MIOS: variants seen among roughly 807,000 people sequenced by gnomAD.
MIOS encodes GATOR2 complex protein MIOS.
In MIOS, 52 loss-of-function variants were observed where a neutral mutation model predicts 96.9. The ratio of observed to expected loss-of-function variants is 0.54; its 90% CI spans 0.43 to 0.68. The LOEUF is 0.68. Among genes scored for constraint, MIOS ranks in the 30% least tolerant of loss-of-function variants. The pLI, the probability that MIOS is intolerant of heterozygous loss-of-function variation, is 0.00. For synonymous variants in MIOS, 397 were observed against 359.5 expected (o/e 1.10, Z -1.18); for missense variants, 1,005 against 1,052.8 (o/e 0.95, Z 0.63).
intron 5 of MIOS, among the ~76,000 whole-genome samples, chr7:7,582,018 G>A (rs557158271): frequency 6.6e-5 from 10 of 151,498 alleles, no homozygotes; most frequent in African/African-American, 2.2e-4. Context: ...TTGGCGGGGC[G>A]GGAGGGCGGG....
In MIOS at chr7:7,605,788, T is replaced by C. The variant is rs563187333; in HGVS notation, c.2402-154T>C. On this transcript the variant is annotated intron_variant, in intron 11 of 12. Transcript: ENST00000340080. ...GTAGGGGAGCTTCTGTCATTCAGTTTCGCTTCATCTAAACTAGAACCTACC... is the reference window on the plus strand; with the variant it reads ...GTAGGGGAGCTTCTGTCATTCAGTTCCGCTTCATCTAAACTAGAACCTACC... The C allele has an allele frequency of 7.9e-4, 502 of 633,974 alleles. No individual in the cohort carries two copies. The African/African-American group carries it at 8.5e-3, about 11-fold the overall frequency. 39.3% of individuals were successfully genotyped at this position (633,974 alleles called of 1,614,324 possible). A position where few individuals can be genotyped will look rare whatever the true frequency, so the allele number is the denominator to read the frequency against.
At chr7:7,589,671 C>A in intron 9 of MIOS, 108 bp downstream of exon 9, 1 of 1,254,898 alleles carries the variant, frequency 8.0e-7, no homozygotes, top group Non-Finnish European at 1.1e-6. Context: ...CTTTAGAAGG[C>A]ATTTAGTTTT....
At chr7:7,574,347 G>A (rs1783457656) in intron 5 of MIOS, 151 bp downstream of exon 5, 1 of 561,618 alleles carries the variant, frequency 1.8e-6, no homozygotes, top group Non-Finnish European at 3.1e-6. Flanking sequence ...TTGTATTGTT[G>A]AGTTAAATGC....
rs570503026 is a variant in MIOS at position 7,573,994 on chromosome 7, C to G, written c.1295-104C>G. On this transcript the variant is annotated intron_variant, in intron 4 of 12. Transcript: ENST00000340080. The surrounding 1 kb of genome is among the most constrained non-coding windows in gnomAD (Gnocchi z 5.0). The stretch of plus-strand genomic sequence containing the variant: ...TATCTCTGCAATAGAGTCGAACCAC[C>G]TTATTTACACTGATACTTATTATGA... The G allele has an allele frequency of 6.4e-5, 63 of 981,764 alleles. No individual in the cohort carries two copies. Among genetic ancestry groups the G allele is most frequent in the Middle Eastern group, 4.6e-4 (2 of 4,344 alleles). 60.8% of individuals were successfully genotyped at this position (981,764 alleles called of 1,614,324 possible).
At chr7:7,581,498 C>T (rs894876120) in intron 5 of MIOS, among the ~76,000 whole-genome samples, 1 of 152,116 alleles carries the variant, frequency 6.6e-6, no homozygotes, top group Non-Finnish European at 1.5e-5. Context: ...TCTGGGCACA[C>T]CTTAGCTGGG....
chr7:7,603,583 A>G (rs1198869181), intron 11 of MIOS, among the ~76,000 whole-genome samples: 48 of 152,250 alleles, frequency 3.2e-4, no homozygotes, highest in South Asian at 6.2e-4. Flanking sequence ...AGAGGATGTG[A>G]AGAAATAGGA....
rs1275517876 is a variant in MIOS at position 7,608,061 on chromosome 7, G to A, written c.*969G>A. ...ACCATACCTTGTTCTTTCCAAGGTAGACTAGGAAGTGTTGGGGAAATGGGG... is the reference window on the plus strand; with the variant it reads ...ACCATACCTTGTTCTTTCCAAGGTAAACTAGGAAGTGTTGGGGAAATGGGG... On this transcript the variant is annotated 3_prime_UTR_variant, in exon 13 of 13. Transcript: ENST00000340080. 6.6e-6 allele frequency: 1 copy of A among 152,094 alleles called. No individual in the cohort carries two copies. The highest frequency in any genetic ancestry group is 1.5e-5 in the Non-Finnish European group (1 of 67,984). The allele number at this position is 152,094 out of a possible 1,614,324, so 9.4% of individuals were successfully genotyped here. A position where few individuals can be genotyped will look rare whatever the true frequency, so the allele number is the denominator to read the frequency against.
intron 6 of MIOS, among the ~76,000 whole-genome samples, chr7:7,585,394 G>T (rs908716941): frequency 1.6e-4 from 22 of 133,334 alleles, no homozygotes; most frequent in African/African-American, 5.7e-4. Context: ...TTTCCAGTCT[G>T]AATCAAAACC....
intron 11 of MIOS, among the ~76,000 whole-genome samples, chr7:7,599,649 A>G (rs1225859886): frequency 6.6e-6 from 1 of 152,158 alleles, no homozygotes; most frequent in African/African-American, 2.4e-5. Flanking sequence ...GGGAAGAGCA[A>G]GTGTATTGTT....
At chr7:7,584,787 C>G (rs1414414533) in intron 6 of MIOS, among the ~76,000 whole-genome samples, 2 of 152,036 alleles carry the variant, frequency 1.3e-5, no homozygotes, top group African/African-American at 2.4e-5. Flanking sequence ...TCAGTTTTTT[C>G]TTTTGAAGCT....
chr7:7,606,912 C>T, intron 12 of MIOS, 84 bp from the exon 13 acceptor site: 1 of 1,091,344 alleles, frequency 9.2e-7, no homozygotes, highest in South Asian at 1.4e-5. Flanking sequence ...ATAGGGAGAC[C>T]CTGTCTCTTA....
intron 3 of MIOS, among the ~76,000 whole-genome samples, chr7:7,569,634 C>G (rs552924611): frequency 2.0e-5 from 3 of 152,132 alleles, no homozygotes; most frequent in Admixed American, 2.0e-4. Context: ...CAATGGAACA[C>G]CAAAAATACT....
intron 9 of MIOS, among the ~76,000 whole-genome samples, chr7:7,593,762 C>T (rs1041569708): frequency 2.0e-5 from 3 of 151,146 alleles, no homozygotes; most frequent in Non-Finnish European, 2.9e-5. Context: ...GTGGCACACC[C>T]CTGTAATCCC....
At chr7:7,602,045 A>G (rs1784394662) in intron 11 of MIOS, among the ~76,000 whole-genome samples, 1 of 152,220 alleles carries the variant, frequency 6.6e-6, no homozygotes, top group African/African-American at 2.4e-5. Context: ...AAAACTCTCA[A>G]TAAATTAGGT....
chr7:7,602,907 A>G (rs559064094), intron 11 of MIOS, among the ~76,000 whole-genome samples: 2 of 152,352 alleles, frequency 1.3e-5, no homozygotes, highest in Admixed American at 6.5e-5. Context: ...GCCCTCAGAA[A>G]TAATGCCACC....
At chr7:7,569,779 C>A (rs949249911) in intron 3 of MIOS, among the ~76,000 whole-genome samples, 1 of 152,014 alleles carries the variant, frequency 6.6e-6, no homozygotes, top group South Asian at 2.1e-4. Flanking sequence ...GGGTGGTTGA[C>A]GTCAAGGTTG....
intron 5 of MIOS, among the ~76,000 whole-genome samples, chr7:7,575,376 T>G (rs1165859139): frequency 6.6e-6 from 1 of 152,148 alleles, no homozygotes; most frequent in Non-Finnish European, 1.5e-5. Context: ...GTAGACTACT[T>G]ACTGATCAGT....
Position 7,575,879 on chromosome 7 carries a change from C to CT in MIOS, c.1393+1695dup, listed in dbSNP as rs1383226318. 5.2e-3 allele frequency among the ~76,000 whole-genome samples: 746 copies of CT among 143,054 alleles called. 6 individuals carry two copies. The highest frequency in any genetic ancestry group is 0.019 in the Admixed American group (270 of 14,274). The allele number at this position is 143,054 out of a possible 152,430, so 93.8% of individuals were successfully genotyped here. Reference sequence around the variant, plus strand: ...CATTCTCTCATTGCTAGGTTTTCAGCTTTTTTTTTTTTGTTTGGTATAGAT... The same window carrying CT: ...CATTCTCTCATTGCTAGGTTTTCAGCTTTTTTTTTTTTTGTTTGGTATAGAT... On this transcript the variant is annotated intron_variant, in intron 5 of 12. Transcript: ENST00000340080.
At chr7:7,589,639 T>G in intron 9 of MIOS, 76 bp downstream of exon 9, 1 of 1,481,590 alleles carries the variant, frequency 6.7e-7, no homozygotes, top group Non-Finnish European at 9.1e-7. Flanking sequence ...AAAGTAAATA[T>G]GCACTTTTGC....
Sources: gnomAD v4.1 joint callset for allele counts (sites outside exome capture counted in the v4.1 genomes callset) on GRCh38, gnomAD v4.1.1 for gene constraint, Gnocchi (gnomAD v3.1) non-coding constraint, MANE v1.5 for transcripts, NCBI Gene and HGNC (gene_info 2026-07-23, HGNC 2026-07-21) for gene names.